PTPRN2: variants seen among roughly 807,000 people sequenced by gnomAD.
PTPRN2 encodes protein tyrosine phosphatase receptor type N2.
A neutral mutation model predicts 118.8 loss-of-function variants in PTPRN2; 74 were observed. The ratio of observed to expected loss-of-function variants is 0.62; its 90% CI spans 0.52 to 0.76. The LOEUF (loss-of-function observed/expected upper bound fraction) is 0.76, where lower values mean the gene tolerates loss of function less well. PTPRN2 is among the 30% of genes least tolerant of loss of function. PTPRN2 has a pLI of 0.00. For synonymous variants in PTPRN2, 641 were observed against 608.0 expected, an observed-to-expected ratio of 1.05 and a Z score of -0.80; for missense variants, 1,481 against 1,394.4, an observed-to-expected ratio of 1.06 and a Z score of -0.99.
intron 2 of PTPRN2, among the ~76,000 whole-genome samples, chr7:158,368,113 C>T (rs1459754480): frequency 6.6e-6 from 1 of 152,164 alleles, no homozygotes; most frequent in East Asian, 1.9e-4. Flanking sequence ...CTGTCCACAC[C>T]ACTGCATATC....
At chr7:158,223,599 TA>T (rs1390773460) in intron 3 of PTPRN2, among the ~76,000 whole-genome samples, 3 of 152,028 alleles carry the variant, frequency 2.0e-5, no homozygotes, top group Admixed American at 2.0e-4. Flanking sequence ...AAAAGACATT[TA>T]AAAAATTCAA....
intron 6 of PTPRN2, among the ~76,000 whole-genome samples, chr7:158,150,435 T>G (rs930349022): frequency 6.6e-6 from 1 of 152,172 alleles, no homozygotes; most frequent in Admixed American, 6.5e-5. Context: ...GTGGCAGCTC[T>G]GCCGCCCTGA....
At chr7:158,519,508 C>G (rs1823828657) in intron 1 of PTPRN2, among the ~76,000 whole-genome samples, 1 of 152,056 alleles carries the variant, frequency 6.6e-6, no homozygotes, top group Non-Finnish European at 1.5e-5. Context: ...TGAGCCTTTG[C>G]TTTGCATGGG....
chr7:157,964,749 C>T lies in PTPRN2; in HGVS notation c.1724-66012G>A, dbSNP rs1801791074. Among the ~76,000 whole-genome samples, 1 of 152,188 alleles carries T rather than the reference C, an allele frequency of 6.6e-6. No homozygotes were observed. Among genetic ancestry groups the T allele is most frequent in the African/African-American group, 2.4e-5 (1 of 41,440 alleles). ...GGCACTGGGTGCTCTGATTCCCTTC[C>T]TCAAGCTTCCCACTTGAAGGTTGGT... is the stretch of plus-strand genomic sequence containing the variant. On this transcript the variant is annotated intron_variant, in intron 11 of 22. Coordinates refer to ENST00000389418, the MANE Select transcript of PTPRN2 (RefSeq NM_002847.5). The surrounding 1 kb of genome is among the most constrained non-coding windows in gnomAD (Gnocchi z 9.0).
intron 14 of PTPRN2, among the ~76,000 whole-genome samples, chr7:157,645,732 CG>C (rs928528290): frequency 6.6e-6 from 1 of 152,160 alleles, no homozygotes; most frequent in Non-Finnish European, 1.5e-5. Context: ...ACAGCAGCAC[CG>C]GCTGGCCCTG....
chr7:158,442,764 C>A (rs1817440425), intron 2 of PTPRN2, among the ~76,000 whole-genome samples: 1 of 152,132 alleles, frequency 6.6e-6, no homozygotes, highest in Non-Finnish European at 1.5e-5. Flanking sequence ...TGCTTTAATT[C>A]TAGTTACAGG....
intron 5 of PTPRN2, among the ~76,000 whole-genome samples, chr7:158,177,346 A>C (rs1824304526): frequency 6.6e-6 from 1 of 152,054 alleles, no homozygotes; most frequent in South Asian, 2.1e-4. Flanking sequence ...TGATGCCTTC[A>C]TTGGCCATTT....
chr7:157,815,116 C>T (rs1274354542), intron 12 of PTPRN2, among the ~76,000 whole-genome samples: 1 of 152,252 alleles, frequency 6.6e-6, no homozygotes, highest in Admixed American at 6.5e-5. Flanking sequence ...GCTCCGGCTG[C>T]TGGGCCTGCA....
At chr7:158,169,719 G>A (rs1376983043) in intron 5 of PTPRN2, among the ~76,000 whole-genome samples, 1 of 151,822 alleles carries the variant, frequency 6.6e-6, no homozygotes, top group African/African-American at 2.4e-5. Context: ...TTGAGACGGA[G>A]TCTCTCACTG....
At chr7:157,700,176 C>T (rs1281440647) in intron 12 of PTPRN2, among the ~76,000 whole-genome samples, 1 of 152,210 alleles carries the variant, frequency 6.6e-6, no homozygotes, top group Admixed American at 6.5e-5. Context: ...ACACCTTAAC[C>T]TCATCACTCC....
chr7:158,296,403 C>A (rs115162597), intron 3 of PTPRN2, among the ~76,000 whole-genome samples: 2,076 of 152,254 alleles, frequency 0.014, 46 homozygotes, highest in African/African-American at 0.047. Context: ...GAGTTACTTC[C>A]ACTCTATAAA....
chr7:158,149,055 T>A (rs1585629399), intron 6 of PTPRN2, among the ~76,000 whole-genome samples: 1 of 119,946 alleles, frequency 8.3e-6, no homozygotes, highest in Non-Finnish European at 1.7e-5. Flanking sequence ...TGACACCCCA[T>A]CTCATGCCAC....
chr7:157,803,322 C>T (rs1159186938), intron 12 of PTPRN2, among the ~76,000 whole-genome samples: 1 of 152,162 alleles, frequency 6.6e-6, no homozygotes, highest in Non-Finnish European at 1.5e-5. Context: ...AATATTTCCT[C>T]CCCGGTGACC....
At chr7:157,730,738 C>A (rs141720313) in intron 12 of PTPRN2, among the ~76,000 whole-genome samples, 1 of 152,172 alleles carries the variant, frequency 6.6e-6, no homozygotes, top group African/African-American at 2.4e-5. Flanking sequence ...GGGACAGAGC[C>A]GGCCCTCCCA....
chr7:157,727,921 C>G (rs916158208), intron 12 of PTPRN2, among the ~76,000 whole-genome samples: 5 of 152,186 alleles, frequency 3.3e-5, no homozygotes, highest in Non-Finnish European at 7.3e-5. Context: ...CAGAAACCCA[C>G]CCTCCATCCT....
At chr7:158,017,689 C>A (rs144454770) in intron 11 of PTPRN2, among the ~76,000 whole-genome samples, 4 of 152,098 alleles carry the variant, frequency 2.6e-5, no homozygotes, top group African/African-American at 9.7e-5. Flanking sequence ...CAGCAGCCCA[C>A]GTGGGGACCC....
At chr7:157,981,671 A>G (rs1168985507) in intron 11 of PTPRN2, among the ~76,000 whole-genome samples, 1 of 152,234 alleles carries the variant, frequency 6.6e-6, no homozygotes, top group Non-Finnish European at 1.5e-5. Flanking sequence ...TCAAAATTTT[A>G]TTGGCTCATA....
chr7:158,182,284 ATAATTT>A (rs1336960137), intron 5 of PTPRN2, among the ~76,000 whole-genome samples: 2 of 152,238 alleles, frequency 1.3e-5, no homozygotes, highest in Non-Finnish European at 2.9e-5. Context: ...GATACTTGAT[ATAATTT>A]TAATTTTAAA....
chr7:157,568,807 T>C (rs924911091), intron 21 of PTPRN2, 95 bp downstream of exon 21: 7 of 1,342,956 alleles, frequency 5.2e-6, no homozygotes, highest in Non-Finnish European at 7.4e-6. Context: ...CAGCGAATTT[T>C]TTCCAGGGCC....
Sources: allele counts gnomAD v4.1 joint callset (sites outside exome capture counted in the v4.1 genomes callset), GRCh38; gene constraint gnomAD v4.1.1; non-coding constraint Gnocchi (gnomAD v3.1); transcripts MANE v1.5; gene names NCBI Gene and HGNC (gene_info 2026-07-23, HGNC 2026-07-21).